Variants in UNC13C observed in about 807,000 individuals in gnomAD.
UNC13C encodes unc-13 homolog C.
In UNC13C, 174 loss-of-function variants were observed where a neutral mutation model predicts 245.4. The observed-to-expected ratio is 0.71, with a 90% CI of 0.63 to 0.80. UNC13C has a LOEUF of 0.80. Ranked by LOEUF, UNC13C falls within the 30% of genes least tolerant of loss-of-function variation. UNC13C has a pLI of 0.00. For missense variants in UNC13C, 2,829 were observed against 2,602.9 expected, an observed-to-expected ratio of 1.09 and a Z score of -1.89; for synonymous variants, 992 against 895.1, an observed-to-expected ratio of 1.11 and a Z score of -1.93.
intron 4 of UNC13C, among the ~76,000 whole-genome samples, chr15:54,178,801 G>A (rs2033700944): frequency 6.6e-6 from 1 of 152,092 alleles, no homozygotes; most frequent in African/African-American, 2.4e-5. Flanking sequence ...TGAAGGCCTG[G>A]GAGCTTTACA....
intron 17 of UNC13C, among the ~76,000 whole-genome samples, chr15:54,380,804 GTTAT>G (rs1180264796): frequency 2.6e-5 from 4 of 152,128 alleles, no homozygotes; most frequent in African/African-American, 9.6e-5. Flanking sequence ...GTTTAATTGG[GTTAT>G]TTGTTTCCTT....
At chr15:54,106,229 T>C (rs1900439053) in intron 2 of UNC13C, among the ~76,000 whole-genome samples, 1 of 152,216 alleles carries the variant, frequency 6.6e-6, no homozygotes, top group Non-Finnish European at 1.5e-5. Context: ...AACTCATGTT[T>C]ATAGAAATAG....
At chr15:54,475,576 C>A (rs908483855) in intron 19 of UNC13C, among the ~76,000 whole-genome samples, 2 of 151,326 alleles carry the variant, frequency 1.3e-5, no homozygotes, top group African/African-American at 2.4e-5. Flanking sequence ...TTTGTCCCTG[C>A]AAAAGTTTAC....
intron 19 of UNC13C, among the ~76,000 whole-genome samples, chr15:54,424,592 G>A (rs74630190): frequency 0.018 from 2,783 of 151,984 alleles, 69 homozygotes; most frequent in African/African-American, 0.061. Context: ...AAGCATTATA[G>A]ATAACATTCA....
the UNC13C span, among the ~76,000 whole-genome samples, chr15:53,959,397 C>T: frequency 6.6e-6 from 1 of 152,078 alleles, no homozygotes; most frequent in African/African-American, 2.4e-5. Context: ...TACTACTTTA[C>T]ATTCCCATTA....
At chr15:54,006,127 A>T (rs1303247005) in intron 1 of UNC13C, among the ~76,000 whole-genome samples, 2 of 152,216 alleles carry the variant, frequency 1.3e-5, no homozygotes. Flanking sequence ...TATCCTTACA[A>T]GATTACCATG....
At chr15:53,940,065 G>T in the UNC13C span, among the ~76,000 whole-genome samples, 1 of 152,168 alleles carries the variant, frequency 6.6e-6, no homozygotes. Context: ...ATCTCCCTCT[G>T]TGTGGTCTGG....
chr15:53,873,923 T>TTTCTTCCTTCCTTC, the UNC13C span, among the ~76,000 whole-genome samples: 7 of 47,604 alleles, frequency 1.5e-4, no homozygotes, highest in African/African-American at 5.6e-4. Flanking sequence ...TTCCTTCCTT[T>TTTCTTCCTTCCTTC]CTTCCTTCCT....
chr15:54,316,243 A>G (rs2038006076), intron 13 of UNC13C, among the ~76,000 whole-genome samples: 1 of 151,930 alleles, frequency 6.6e-6, no homozygotes, highest in Non-Finnish European at 1.5e-5. Flanking sequence ...ATCTTTGGCC[A>G]TACCAATCCT....
intron 2 of UNC13C, among the ~76,000 whole-genome samples, chr15:54,061,536 C>T (rs1295735667): frequency 1.3e-5 from 2 of 152,146 alleles, no homozygotes; most frequent in Non-Finnish European, 2.9e-5. Flanking sequence ...AGGAAGTATA[C>T]AGCCCCTATG....
intron 20 of UNC13C, among the ~76,000 whole-genome samples, chr15:54,497,900 C>G (rs987259131): frequency 6.6e-6 from 1 of 151,992 alleles, no homozygotes; most frequent in African/African-American, 2.4e-5. Flanking sequence ...AATAGACCAA[C>G]CTAAAACCCA....
intron 2 of UNC13C, among the ~76,000 whole-genome samples, chr15:54,025,571 C>G (rs1211377662): frequency 2.0e-5 from 3 of 152,194 alleles, no homozygotes; most frequent in Non-Finnish European, 1.5e-5. Flanking sequence ...TGGCGTTTAT[C>G]TTCCACATTC....
intron 30 of UNC13C, chr15:54,609,404 G>A (rs896398057): frequency 1.3e-5 from 2 of 152,218 alleles, no homozygotes; most frequent in South Asian, 4.2e-4. Context: ...TTGGCGGGGT[G>A]GATAATATCC....
At chr15:54,474,634 G>T (rs1892629574) in intron 19 of UNC13C, among the ~76,000 whole-genome samples, 1 of 151,990 alleles carries the variant, frequency 6.6e-6, no homozygotes, top group African/African-American at 2.4e-5. Flanking sequence ...CATTCTATAG[G>T]TTATCTCTTC....
intron 12 of UNC13C, among the ~76,000 whole-genome samples, chr15:54,298,884 A>G (rs1387159346): frequency 1.3e-5 from 2 of 152,132 alleles, no homozygotes; most frequent in South Asian, 2.1e-4. Flanking sequence ...ACTTTTGTGC[A>G]TATTATTTTT....
the UNC13C span, among the ~76,000 whole-genome samples, chr15:53,838,780 A>G: frequency 2.0e-5 from 3 of 151,910 alleles, no homozygotes; most frequent in South Asian, 2.1e-4. Flanking sequence ...TGTTCTCTGG[A>G]AGAGCTTGTT....
intron 17 of UNC13C, among the ~76,000 whole-genome samples, chr15:54,373,835 C>T (rs1419496160): frequency 6.6e-6 from 1 of 152,130 alleles, no homozygotes; most frequent in Non-Finnish European, 1.5e-5. Flanking sequence ...TGTCTCACAT[C>T]CAGGAAGAAT....
At chr15:54,125,574 G>C (rs7165980) in intron 2 of UNC13C, among the ~76,000 whole-genome samples, 58,515 of 152,030 alleles carry the variant, frequency 0.38, 11,428 homozygotes, top group African/African-American at 0.42. Context: ...ATTCACAAAC[G>C]TGGTACATCT....
chr15:54,171,382 A>G (rs1363163501), intron 4 of UNC13C, among the ~76,000 whole-genome samples: 1 of 152,130 alleles, frequency 6.6e-6, no homozygotes, highest in East Asian at 1.9e-4. Flanking sequence ...CAGAATATAC[A>G]AGGGACTCAA....
Sources: gnomAD v4.1 joint callset for allele counts (sites outside exome capture counted in the v4.1 genomes callset) on GRCh38, gnomAD v4.1.1 for gene constraint, MANE v1.5 for transcripts, NCBI Gene and HGNC (gene_info 2026-07-23, HGNC 2026-07-21) for gene names.